The following LIN7A variants were observed in gnomAD, a reference collection of about 807,000 sequenced individuals.
LIN7A encodes lin-7 cell polarity scaffold A.
LIN7A carries 25 observed loss-of-function variants against 29.8 expected under a neutral mutation model. The ratio of observed to expected loss-of-function variants is 0.84; its 90% CI spans 0.61 to 1.17. LIN7A has a LOEUF of 1.17. Ranked by LOEUF, LIN7A falls within the 50% of genes most tolerant of loss-of-function variation. The pLI is 0.00. For synonymous variants in LIN7A, 118 were observed against 107.5 expected (o/e 1.10, Z -0.60); for missense variants, 239 against 287.0 (o/e 0.83, Z 1.21).
intron 4 of LIN7A, among the ~76,000 whole-genome samples, chr12:80,815,673 T>C (rs1022369756): frequency 6.6e-6 from 1 of 152,216 alleles, no homozygotes; most frequent in African/African-American, 2.4e-5. Context: ...GTGGTTCTTA[T>C]ATGACTTTAA....
intron 4 of LIN7A, among the ~76,000 whole-genome samples, chr12:80,840,423 T>A (rs1872756548): frequency 6.6e-6 from 1 of 152,186 alleles, no homozygotes; most frequent in Non-Finnish European, 1.5e-5. Context: ...ACGTGTGTCT[T>A]TGGATGTGAG....
intron 1 of LIN7A, among the ~76,000 whole-genome samples, chr12:80,892,182 A>G (rs1465079224): frequency 6.6e-6 from 1 of 152,224 alleles, no homozygotes; most frequent in African/African-American, 2.4e-5. Context: ...GATGTCAGAA[A>G]CAAAATATCT....
rs562996609 is a variant in LIN7A at position 80,882,652 on chromosome 12, C to T, written c.201+6599G>A. 3.3e-5 allele frequency among the ~76,000 whole-genome samples: 5 copies of T among 152,264 alleles called. 1 individual carries two copies. Among genetic ancestry groups the T allele is most frequent in the African/African-American group, 9.6e-5 (4 of 41,566 alleles). ...GACTTATTTTAGTAGCTAGGCCATTCAGAATAATAGTCAATGACAATGGTG... is the reference window on the plus strand; with the variant it reads ...GACTTATTTTAGTAGCTAGGCCATTTAGAATAATAGTCAATGACAATGGTG... On this transcript the variant is annotated intron_variant, in intron 2 of 5. Coordinates refer to ENST00000552864, the MANE Select transcript of LIN7A (RefSeq NM_004664.4).
At chr12:80,888,046 A>G (rs1230377171) in intron 2 of LIN7A, among the ~76,000 whole-genome samples, 2 of 152,084 alleles carry the variant, frequency 1.3e-5, no homozygotes, top group African/African-American at 4.8e-5. Flanking sequence ...TACCTTTCCC[A>G]CTGAGGGGAA....
chr12:80,882,807 A>C (rs1875129827), intron 2 of LIN7A, among the ~76,000 whole-genome samples: 1 of 152,186 alleles, frequency 6.6e-6, no homozygotes, highest in African/African-American at 2.4e-5. Context: ...GTAATCTGCT[A>C]TCTCATTTTA....
chr12:80,809,173 G>T (rs985459766), intron 5 of LIN7A, among the ~76,000 whole-genome samples: 1 of 151,364 alleles, frequency 6.6e-6, no homozygotes, highest in Admixed American at 6.6e-5. Context: ...TGACGATGTT[G>T]GTCAGGCTGG....
At chr12:80,919,576 G>T (rs1877195359) in intron 1 of LIN7A, among the ~76,000 whole-genome samples, 1 of 152,146 alleles carries the variant, frequency 6.6e-6, no homozygotes, top group South Asian at 2.1e-4. Flanking sequence ...AAGAGGTGTA[G>T]ACCCATTACA....
At chr12:80,874,711 C>T (rs1165020955) in intron 2 of LIN7A, among the ~76,000 whole-genome samples, 4 of 152,270 alleles carry the variant, frequency 2.6e-5, no homozygotes, top group Non-Finnish European at 4.4e-5. Context: ...CGGCTGGCCG[C>T]GGTGGCTCAC....
chr12:80,880,109 C>A (rs1565913164), intron 2 of LIN7A, among the ~76,000 whole-genome samples: 1 of 152,148 alleles, frequency 6.6e-6, no homozygotes, highest in Non-Finnish European at 1.5e-5. Context: ...TCATTTTCAA[C>A]TCCCTTGCCC....
intron 4 of LIN7A, among the ~76,000 whole-genome samples, chr12:80,813,013 A>G (rs944572113): frequency 6.6e-6 from 1 of 152,058 alleles, no homozygotes; most frequent in Admixed American, 6.5e-5. Flanking sequence ...ATAAATATAC[A>G]GATATATTTT....
intron 2 of LIN7A, among the ~76,000 whole-genome samples, chr12:80,858,917 G>A (rs1463515054): frequency 1.3e-5 from 2 of 152,016 alleles, no homozygotes; most frequent in Non-Finnish European, 2.9e-5. Context: ...GAACAATTAG[G>A]GATACATTGT....
At chr12:80,899,187 G>T (rs1876067163) in intron 1 of LIN7A, among the ~76,000 whole-genome samples, 1 of 152,120 alleles carries the variant, frequency 6.6e-6, no homozygotes, top group Non-Finnish European at 1.5e-5. Context: ...TTTTTAGCAT[G>T]ATGTGATGTT....
intron 1 of LIN7A, among the ~76,000 whole-genome samples, chr12:80,930,480 A>G (rs1053808664): frequency 3.3e-5 from 5 of 152,202 alleles, no homozygotes; most frequent in African/African-American, 4.8e-5. Context: ...TAATTTGTTT[A>G]TTAGGACATA....
intron 2 of LIN7A, among the ~76,000 whole-genome samples, chr12:80,867,166 T>C (rs538893884): frequency 6.6e-6 from 1 of 152,042 alleles, no homozygotes; most frequent in Non-Finnish European, 1.5e-5. Context: ...TGACCAGTCT[T>C]GAGCTCCTGG....
Position 80,795,767 on chromosome 12 carries a change from T to C in LIN7A, c.*1960A>G, listed in dbSNP as rs1410658480. ...TAACTAAAATATATGTTTTATTAAA[T>C]TTTTCTTATAAAAATGTGAACTATC... is the stretch of plus-strand genomic sequence containing the variant. On this transcript the variant is annotated 3_prime_UTR_variant, in exon 6 of 6. Coordinates refer to ENST00000552864, the MANE Select transcript of LIN7A (RefSeq NM_004664.4). 2.0e-5 allele frequency: 3 copies of C among 152,140 alleles called. No individual in the cohort carries two copies. Among genetic ancestry groups the C allele is most frequent in the African/African-American group, 4.8e-5 (2 of 41,456 alleles). The allele number at this position is 152,140 out of a possible 1,614,324, so 9.4% of individuals were successfully genotyped here. A position where few individuals can be genotyped will look rare whatever the true frequency, so the allele number is the denominator to read the frequency against.
intron 5 of LIN7A, among the ~76,000 whole-genome samples, chr12:80,800,181 G>T (rs1456437601): frequency 1.3e-5 from 2 of 151,842 alleles, no homozygotes; most frequent in Non-Finnish European, 1.5e-5. Context: ...TAGATGAAAT[G>T]GACAATTCCT....
At chr12:80,889,890 T>C (rs1333519189) in intron 1 of LIN7A, among the ~76,000 whole-genome samples, 1 of 152,178 alleles carries the variant, frequency 6.6e-6, no homozygotes, top group Non-Finnish European at 1.5e-5. Flanking sequence ...TATATTGTAG[T>C]GATTAAAATT....
At chr12:80,857,699 T>G (rs1222959114) in intron 2 of LIN7A, among the ~76,000 whole-genome samples, 1 of 152,164 alleles carries the variant, frequency 6.6e-6, no homozygotes. Context: ...TTTACCAGAT[T>G]GAAGAAAAAT....
At chr12:80,917,961 G>C (rs1877108957) in intron 1 of LIN7A, among the ~76,000 whole-genome samples, 1 of 152,194 alleles carries the variant, frequency 6.6e-6, no homozygotes, top group South Asian at 2.1e-4. Context: ...ATAAATGTTT[G>C]AGTGCTATCT....
Sources: gnomAD v4.1 joint callset for allele counts (sites outside exome capture counted in the v4.1 genomes callset) on GRCh38, gnomAD v4.1.1 for gene constraint, MANE v1.5 for transcripts, NCBI Gene and HGNC (gene_info 2026-07-23, HGNC 2026-07-21) for gene names.